The following DYNC1I1 variants were observed in gnomAD, a reference collection of about 807,000 sequenced individuals.
DYNC1I1 encodes the protein cytoplasmic dynein 1 intermediate chain 1.
A neutral mutation model predicts 86.6 loss-of-function variants in DYNC1I1; 43 were observed. The ratio of observed to expected loss-of-function variants is 0.50; its 90% CI spans 0.39 to 0.64. DYNC1I1 has a LOEUF of 0.64. DYNC1I1 is among the 30% of genes least tolerant of loss of function. The pLI is 0.00. For missense variants in DYNC1I1, 604 were observed against 788.8 expected (o/e 0.77, Z 2.81); for synonymous variants, 262 against 283.7 (o/e 0.92, Z 0.77).
At chr7:95,983,029 C>T (rs1793494166) in intron 7 of DYNC1I1, among the ~76,000 whole-genome samples, 1 of 152,134 alleles carries the variant, frequency 6.6e-6, no homozygotes, top group Non-Finnish European at 1.5e-5. Context: ...AACTACTGCT[C>T]AAAGAGCTTC....
chr7:96,023,531 A>C (rs1345101108), intron 10 of DYNC1I1, among the ~76,000 whole-genome samples: 3 of 152,220 alleles, frequency 2.0e-5, no homozygotes, highest in African/African-American at 7.2e-5. Context: ...CAGCCTCCAC[A>C]GCCACTTAAA....
Position 96,002,408 on chromosome 7 carries a change from AG to A in DYNC1I1, c.969+6336del, listed in dbSNP as rs570840311. ...AGTTCTGGGAGGAAGTTAAGTACAT[AG>A]TGGTTAAGAGTGAGCTATAAGGCCA... On this transcript the variant is annotated intron_variant, in intron 10 of 16. Transcript: ENST00000447467. Among the ~76,000 whole-genome samples, 12 of 152,320 alleles carry A rather than the reference AG, an allele frequency of 7.9e-5. 1 individual carries two copies. In the South Asian group the frequency reaches 2.5e-3, roughly 32 times the overall value.
At chr7:95,852,286 T>A (rs1789599428) in intron 5 of DYNC1I1, among the ~76,000 whole-genome samples, 1 of 152,014 alleles carries the variant, frequency 6.6e-6, no homozygotes, top group African/African-American at 2.4e-5. Context: ...TTATTCTATT[T>A]GTTGTCATAT....
chr7:95,979,042 C>T (rs964564407), intron 7 of DYNC1I1, among the ~76,000 whole-genome samples: 1 of 152,210 alleles, frequency 6.6e-6, no homozygotes, highest in African/African-American at 2.4e-5. Context: ...GATCCACCCG[C>T]CTTAGCCTCC....
chr7:96,020,571 T>C (rs1794521875), intron 10 of DYNC1I1, among the ~76,000 whole-genome samples: 1 of 152,064 alleles, frequency 6.6e-6, no homozygotes, highest in South Asian at 2.1e-4. Flanking sequence ...AGTCAAACCA[T>C]ATCACTGCTA....
At chr7:95,960,548 C>G (rs1414253489) in intron 6 of DYNC1I1, among the ~76,000 whole-genome samples, 1 of 152,192 alleles carries the variant, frequency 6.6e-6, no homozygotes, top group Non-Finnish European at 1.5e-5. Context: ...TGTTTTCCTC[C>G]TAGTGTATAG....
chr7:95,922,925 A>G (rs960308221), intron 6 of DYNC1I1, among the ~76,000 whole-genome samples: 5 of 152,194 alleles, frequency 3.3e-5, no homozygotes, highest in Admixed American at 1.3e-4. Context: ...TTAGCTCATT[A>G]GTTCTCATCA....
chr7:95,967,127 C>T (rs189945527), intron 6 of DYNC1I1, among the ~76,000 whole-genome samples: 1 of 152,268 alleles, frequency 6.6e-6, no homozygotes, highest in African/African-American at 2.4e-5. Context: ...ATGGAGCCTA[C>T]TCCCAAGAAT....
intron 1 of DYNC1I1, among the ~76,000 whole-genome samples, chr7:95,788,756 G>C (rs1794214470): frequency 6.6e-6 from 1 of 152,176 alleles, no homozygotes. Flanking sequence ...TCTCCACTCT[G>C]CTACTTCCCA....
In DYNC1I1 at chr7:96,076,071, C is replaced by T; in HGVS notation, c.1524C>T (p.Leu508=). The stretch of plus-strand genomic sequence containing the variant: ...CTGCTTTACAGCACAACAAGCCGCT[C>T]TACTCCTTTGAAGACAATGCAGACT... ...KLWTTKHNKP[L]YSFEDNADYV... Residue 508 remains leucine (L), a synonymous_variant, in exon 15 of 17, where the codon CTC becomes CTT. Coordinates refer to ENST00000447467, the MANE Select transcript of DYNC1I1 (RefSeq NM_001135556.2). 1 of 1,614,072 alleles carries T rather than the reference C, an allele frequency of 6.2e-7. No homozygotes were observed. Among genetic ancestry groups the T allele is most frequent in the Non-Finnish European group, 8.5e-7 (1 of 1,179,944 alleles).
At chr7:95,924,608 G>A (rs1456004436) in intron 6 of DYNC1I1, among the ~76,000 whole-genome samples, 2 of 152,146 alleles carry the variant, frequency 1.3e-5, no homozygotes, top group Admixed American at 6.6e-5. Flanking sequence ...ATGAGAATGC[G>A]AAATGTGGAA....
At chr7:95,873,025 T>A in intron 6 of DYNC1I1, among the ~76,000 whole-genome samples, 1 of 152,172 alleles carries the variant, frequency 6.6e-6, no homozygotes, top group Non-Finnish European at 1.5e-5. Flanking sequence ...TTCACTATGT[T>A]CCCCCTGGGG....
At chr7:95,833,812 A>G (rs1170794025) in intron 5 of DYNC1I1, among the ~76,000 whole-genome samples, 4 of 144,530 alleles carry the variant, frequency 2.8e-5, no homozygotes, top group Non-Finnish European at 6.1e-5. Flanking sequence ...ATTTTTGTAC[A>G]TTGATTTTGT....
chr7:96,033,806 T>G (rs1225767467), intron 12 of DYNC1I1, among the ~76,000 whole-genome samples: 1 of 152,018 alleles, frequency 6.6e-6, no homozygotes, highest in Non-Finnish European at 1.5e-5. Flanking sequence ...GCCTAGGAGT[T>G]CAAGACCAGC....
intron 6 of DYNC1I1, among the ~76,000 whole-genome samples, chr7:95,874,572 T>A (rs1272060022): frequency 6.6e-6 from 1 of 151,958 alleles, no homozygotes; most frequent in African/African-American, 2.4e-5. Flanking sequence ...GTAAATAGGG[T>A]TTTTAGGAGG....
At chr7:96,002,799 A>T (rs920887732) in intron 10 of DYNC1I1, among the ~76,000 whole-genome samples, 3 of 144,404 alleles carry the variant, frequency 2.1e-5, no homozygotes, top group African/African-American at 7.6e-5. Flanking sequence ...TAAGCTCAGC[A>T]TTTTTTTTTT....
chr7:95,973,895 A>G (rs1393916290), intron 6 of DYNC1I1, among the ~76,000 whole-genome samples: 2 of 152,210 alleles, frequency 1.3e-5, no homozygotes, highest in Non-Finnish European at 2.9e-5. Flanking sequence ...AGATGGCTCT[A>G]ATAAATGCAC....
At chr7:95,792,075 A>G (rs540913150) in intron 1 of DYNC1I1, among the ~76,000 whole-genome samples, 67 of 152,368 alleles carry the variant, frequency 4.4e-4, no homozygotes, top group African/African-American at 1.5e-3. Context: ...AATTCAAGAG[A>G]CATTTATTGA....
At chr7:95,986,880 G>A (rs541742081) in intron 8 of DYNC1I1, among the ~76,000 whole-genome samples, 176 bp from the exon 9 acceptor site, 2 of 152,210 alleles carry the variant, frequency 1.3e-5, no homozygotes, top group South Asian at 2.1e-4. Context: ...GTTAGAAAGA[G>A]CTTTTCATAA....
Sources: gnomAD v4.1 joint callset for allele counts (sites outside exome capture counted in the v4.1 genomes callset) on GRCh38, gnomAD v4.1.1 for gene constraint, MANE v1.5 for transcripts, NCBI Gene and HGNC (gene_info 2026-07-23, HGNC 2026-07-21) for gene names.